The following ROBO2 variants were observed in gnomAD, a reference collection of about 807,000 sequenced individuals.
ROBO2 encodes the protein roundabout guidance receptor 2.
Under a neutral mutation model 160.8 loss-of-function variants are expected in ROBO2, and 53 were observed. The observed-to-expected ratio is 0.33, with a 90% CI of 0.26 to 0.41. The LOEUF (loss-of-function observed/expected upper bound fraction) is 0.41, where lower values mean the gene tolerates loss of function less well. Ranked by LOEUF, ROBO2 falls within the 10% of genes least tolerant of loss-of-function variation. ROBO2 has a pLI of 1.00. For synonymous variants in ROBO2, 664 were observed against 611.7 expected (o/e 1.09, Z -1.26); for missense variants, 1,577 against 1,722.4 (o/e 0.92, Z 1.49).
chr3:76,635,377 T>C (rs2090274081), intron 2 of ROBO2, among the ~76,000 whole-genome samples: 1 of 152,200 alleles, frequency 6.6e-6, no homozygotes, highest in Admixed American at 6.5e-5. Context: ...ATTAGAACGC[T>C]GACTTTTGCT....
At chr3:77,003,844 C>T (rs937375507) in intron 2 of ROBO2, among the ~76,000 whole-genome samples, 4 of 151,966 alleles carry the variant, frequency 2.6e-5, no homozygotes, top group Admixed American at 6.6e-5. Flanking sequence ...CACGCCCAGC[C>T]GACATGGAGG....
chr3:77,556,992 A>G (rs997015500), intron 8 of ROBO2, among the ~76,000 whole-genome samples: 3 of 151,850 alleles, frequency 2.0e-5, no homozygotes, highest in Non-Finnish European at 2.9e-5. Context: ...ATTCTAAATG[A>G]AATCTTACCT....
chr3:76,062,659 C>T (rs1380588858), intron 2 of ROBO2, among the ~76,000 whole-genome samples: 1 of 152,126 alleles, frequency 6.6e-6, no homozygotes, highest in Non-Finnish European at 1.5e-5. Flanking sequence ...GAGAAGAATT[C>T]ATAAGGTGAA....
chr3:77,407,015 A>G (rs12330154), intron 2 of ROBO2, among the ~76,000 whole-genome samples: 18,992 of 152,208 alleles, frequency 0.12, 1,420 homozygotes, highest in East Asian at 0.25. Context: ...ATATAGATAT[A>G]GGGTCTTGCT....
intron 2 of ROBO2, among the ~76,000 whole-genome samples, chr3:75,945,664 C>G (rs1199937214): frequency 6.6e-6 from 1 of 152,066 alleles, no homozygotes; most frequent in Middle Eastern, 3.4e-3. Flanking sequence ...AGGTTTTTAT[C>G]TTTTTATATT....
rs574557375 is a variant in ROBO2, at chr3:77,054,928, A to ATGTGTGTGTGTGTG, written c.61+14096_61+14109dup. Among the ~76,000 whole-genome samples the ATGTGTGTGTGTGTG allele has an allele frequency of 5.0e-3, 561 of 113,214 alleles. 4 individuals carry two copies. Among genetic ancestry groups the ATGTGTGTGTGTGTG allele is most frequent in the South Asian group, 0.019 (69 of 3,670 alleles). The allele number at this position is 113,214 out of a possible 152,430, so 74.3% of individuals were successfully genotyped here. ...CTGCAGTCCACAAAATCTCGCGTGTATGTGTGTGTGTGTGTGTGTGTGTGT... is the reference window on the plus strand; with the variant it reads ...CTGCAGTCCACAAAATCTCGCGTGTATGTGTGTGTGTGTGTGTGTGTGTGTGTGTGTGTGTGTGT... On this transcript the variant is annotated intron_variant, in intron 1 of 25. Coordinates refer to ENST00000461745, the Ensembl canonical transcript of ROBO2.
intron 2 of ROBO2, among the ~76,000 whole-genome samples, chr3:76,464,894 C>A (rs1017408501): frequency 6.6e-6 from 1 of 152,076 alleles, no homozygotes; most frequent in South Asian, 2.1e-4. Flanking sequence ...TTCTTCCATT[C>A]ATCTCTATAC....
At chr3:76,379,561 C>A (rs1576792881) in intron 2 of ROBO2, among the ~76,000 whole-genome samples, 1 of 152,008 alleles carries the variant, frequency 6.6e-6, no homozygotes, top group East Asian at 1.9e-4. Flanking sequence ...ATTAAACCAG[C>A]CAATTTGCAA....
intron 2 of ROBO2, among the ~76,000 whole-genome samples, chr3:76,893,650 A>G (rs976802750): frequency 6.6e-6 from 1 of 152,162 alleles, no homozygotes; most frequent in Non-Finnish European, 1.5e-5. Flanking sequence ...TCAAATATTT[A>G]TAATTTCTAT....
At chr3:76,816,828 C>T (rs1439645100) in intron 2 of ROBO2, among the ~76,000 whole-genome samples, 6 of 151,972 alleles carry the variant, frequency 3.9e-5, no homozygotes, top group Admixed American at 2.0e-4. Context: ...CCCAAATGCC[C>T]ATAAATGTTA....
intron 2 of ROBO2, among the ~76,000 whole-genome samples, chr3:76,007,778 T>G (rs1469409044): frequency 6.6e-6 from 1 of 152,280 alleles, no homozygotes; most frequent in Non-Finnish European, 1.5e-5. Context: ...AAAATCTGTT[T>G]AAAATGGATA....
chr3:76,539,629 G>T (rs1159400465), intron 2 of ROBO2, among the ~76,000 whole-genome samples: 1 of 152,112 alleles, frequency 6.6e-6, no homozygotes, highest in Non-Finnish European at 1.5e-5. Flanking sequence ...CATTCTACTA[G>T]AAATAGTCTG....
intron 2 of ROBO2, among the ~76,000 whole-genome samples, chr3:77,406,393 G>A (rs186342683): frequency 6.2e-4 from 95 of 152,196 alleles, no homozygotes; most frequent in African/African-American, 2.0e-3. Context: ...GCTATCTTAC[G>A]TACTTATTTT....
chr3:77,413,256 G>A (rs939646340), intron 2 of ROBO2, among the ~76,000 whole-genome samples: 2 of 152,040 alleles, frequency 1.3e-5, no homozygotes, highest in Non-Finnish European at 2.9e-5. Flanking sequence ...GAAAAAAAAA[G>A]TATGTAGGAA....
At chr3:76,263,183 T>C (rs943686887) in intron 2 of ROBO2, among the ~76,000 whole-genome samples, 41 of 152,092 alleles carry the variant, frequency 2.7e-4, no homozygotes, top group Non-Finnish European at 5.9e-4. Context: ...TAAATAAATT[T>C]CACACAGTTG....
chr3:76,072,101 A>G (rs2068477975), intron 2 of ROBO2, among the ~76,000 whole-genome samples: 2 of 152,112 alleles, frequency 1.3e-5, no homozygotes. Flanking sequence ...TTTTTCACAC[A>G]TACTGTGTTC....
chr3:76,141,060 C>CATTATATATATATAT (rs1553656031), intron 2 of ROBO2, among the ~76,000 whole-genome samples: 1 of 53,578 alleles, frequency 1.9e-5, no homozygotes, highest in Non-Finnish European at 3.5e-5. Context: ...TTTTTACATA[C>CATTATATATATATAT]ATATATATAT....
chr3:77,305,655 G>A (rs11927613), intron 2 of ROBO2, among the ~76,000 whole-genome samples: 35,388 of 152,090 alleles, frequency 0.23, 4,376 homozygotes, highest in East Asian at 0.4. Flanking sequence ...AGCCTGAAGA[G>A]TAGCACCTTT....
At chr3:77,058,480 G>T (rs1215160787) in intron 1 of ROBO2, among the ~76,000 whole-genome samples, 1 of 152,040 alleles carries the variant, frequency 6.6e-6, no homozygotes, top group Non-Finnish European at 1.5e-5. Context: ...AAAAGTAATT[G>T]AAAAAATGAA....
Sources: gnomAD v4.1 joint callset for allele counts (sites outside exome capture counted in the v4.1 genomes callset) on GRCh38, gnomAD v4.1.1 for gene constraint, MANE v1.5 for transcripts, NCBI Gene and HGNC (gene_info 2026-07-23, HGNC 2026-07-21) for gene names.